PAICS: variants seen among roughly 807,000 people sequenced by gnomAD.
PAICS encodes the protein phosphoribosylaminoimidazole carboxylase and phosphoribosylaminoimidazolesuccinocarboxamide synthase.
Under a neutral mutation model 53.7 loss-of-function variants are expected in PAICS, and 33 were observed. The observed-to-expected ratio is 0.61, with a 90% CI of 0.47 to 0.82. PAICS has a LOEUF of 0.82. Ranked by LOEUF, PAICS falls within the 40% of genes least tolerant of loss-of-function variation. PAICS has a pLI of 0.00. For missense variants in PAICS, 394 were observed against 494.1 expected (o/e 0.80, Z 1.92); for synonymous variants, 141 against 167.2 (o/e 0.84, Z 1.21).
upstream of PAICS, among the ~76,000 whole-genome samples, chr4:56,432,991 C>CAT (rs573689687): frequency 2.0e-5 from 3 of 147,286 alleles, no homozygotes; most frequent in Admixed American, 6.9e-5. Flanking sequence ...CATACACACA[C>CAT]GTATTTTATA....
intron 2 of PAICS, among the ~76,000 whole-genome samples, chr4:56,443,751 G>A (rs1718453169): frequency 6.6e-6 from 1 of 152,138 alleles, no homozygotes; most frequent in African/African-American, 2.4e-5. Flanking sequence ...GTAAATTAGA[G>A]TGACTCAGTT....
chr4:56,432,331 C>T (rs140129596), upstream of PAICS, among the ~76,000 whole-genome samples: 3,859 of 152,118 alleles, frequency 0.025, 153 homozygotes, highest in East Asian at 0.2. Flanking sequence ...AGTTCAAGAC[C>T]AGCCTGGTCA....
chr4:56,412,379 G>A, the PAICS span, among the ~76,000 whole-genome samples: 1 of 151,122 alleles, frequency 6.6e-6, no homozygotes, highest in African/African-American at 2.4e-5. Flanking sequence ...TGTGATCTTG[G>A]CTCATTGCTG....
the PAICS span, among the ~76,000 whole-genome samples, chr4:56,418,127 G>A: frequency 2.6e-3 from 396 of 151,198 alleles, 3 homozygotes; most frequent in African/African-American, 9.2e-3. Context: ...GTGAGCCACC[G>A]CACCTGGCTG....
chr4:56,437,224 G>A (rs1324085716), intron 1 of PAICS, among the ~76,000 whole-genome samples: 1 of 146,514 alleles, frequency 6.8e-6, no homozygotes. Context: ...TGGGGAGGGG[G>A]GCTGTTTTTA....
chr4:56,442,030 T>G lies in PAICS; in HGVS notation c.214+170T>G, dbSNP rs1578148806. ...AACTTCACTATAACACCTTATTTGG[T>G]TTGGGATTATTAGTATCATTGAATT... On this transcript the variant is annotated intron_variant, in intron 2 of 8. Coordinates refer to ENST00000512576, the MANE Select transcript of PAICS (RefSeq NM_001079524.2). 24 of 526,102 alleles carry G rather than the reference T, an allele frequency of 4.6e-5. No homozygotes were observed. In the East Asian group the frequency reaches 7.4e-4, roughly 16 times the overall value. The allele number at this position is 526,102 out of a possible 1,614,324, so 32.6% of individuals were successfully genotyped here.
At chr4:56,441,905 G>A in intron 2 of PAICS, 45 bp downstream of exon 2, 2 of 1,281,546 alleles carry the variant, frequency 1.6e-6, no homozygotes, top group South Asian at 1.5e-5. Context: ...TCTCTGGTAA[G>A]CATGTCGATG....
chr4:56,432,973 C>CAT (rs200791013), upstream of PAICS, among the ~76,000 whole-genome samples: 3,191 of 127,494 alleles, frequency 0.025, 90 homozygotes, highest in African/African-American at 0.09. Context: ...TATATATATA[C>CAT]ATATATACAT....
intron 2 of PAICS, among the ~76,000 whole-genome samples, chr4:56,445,654 A>G (rs1246425326): frequency 1.3e-5 from 2 of 152,162 alleles, no homozygotes; most frequent in Non-Finnish European, 2.9e-5. Context: ...TATATAAGAC[A>G]CTTAGCACAG....
chr4:56,432,997 T>TA (rs1560652377), upstream of PAICS, among the ~76,000 whole-genome samples: 23 of 148,506 alleles, frequency 1.5e-4, no homozygotes, highest in African/African-American at 5.7e-4. Context: ...CACACGTATT[T>TA]TATATATATA....
intron 1 of PAICS, among the ~76,000 whole-genome samples, chr4:56,438,371 TTATATATATATATATATATATA>T (rs61681463): frequency 8.8e-6 from 1 of 113,674 alleles, no homozygotes; most frequent in Admixed American, 8.5e-5. Flanking sequence ...TGCAATGTGT[TTATATATATATATATATATATA>T]TATATATATA....
At chr4:56,432,072 T>G (rs1289573667), upstream of PAICS, among the ~76,000 whole-genome samples, 1 of 152,176 alleles carries the variant, frequency 6.6e-6, no homozygotes, top group African/African-American at 2.4e-5. Context: ...CTTAACTAAT[T>G]GATACTCTAT....
chr4:56,458,252 C>T (rs896579359), intron 8 of PAICS, among the ~76,000 whole-genome samples: 21 of 151,430 alleles, frequency 1.4e-4, no homozygotes, highest in African/African-American at 5.1e-4. Flanking sequence ...GCCCATATTT[C>T]TCATCTCTGA....
At chr4:56,457,918 A>G (rs969768035) in intron 8 of PAICS, among the ~76,000 whole-genome samples, 3 of 152,110 alleles carry the variant, frequency 2.0e-5, no homozygotes, top group South Asian at 4.1e-4. Flanking sequence ...GTTCATGCCT[A>G]TTTCCTTTAC....
chr4:56,446,475 TC>T (rs1718626295), intron 2 of PAICS: 1 of 695,084 alleles, frequency 1.4e-6, no homozygotes, highest in African/African-American at 1.8e-5. Context: ...GGAATTTCGT[TC>T]CTTTTTATGG....
At chr4:56,455,957 C>A (rs570755492) in intron 8 of PAICS, among the ~76,000 whole-genome samples, 4 of 152,040 alleles carry the variant, frequency 2.6e-5, no homozygotes, top group African/African-American at 7.2e-5. Flanking sequence ...AATTTTCATA[C>A]CCCTCCATAT....
rs746939298 is a variant in PAICS at position 56,459,582 on chromosome 4, C to G, written c.*44C>G. 10 of 1,385,948 alleles carry G rather than the reference C, an allele frequency of 7.2e-6. No homozygotes were observed. The South Asian group carries it at 1.3e-4, about 18-fold the overall frequency. 85.9% of individuals were successfully genotyped at this position (1,385,948 alleles called of 1,614,324 possible). A position where few individuals can be genotyped will look rare whatever the true frequency, so the allele number is the denominator to read the frequency against. On this transcript the variant is annotated 3_prime_UTR_variant, in exon 9 of 9. Transcript: ENST00000512576. ...TTTTTAGGGGAAAAACTACAAATTTCTAATTTAGCTGAAGGAAAATCAAGC... is the reference window on the plus strand; with the variant it reads ...TTTTTAGGGGAAAAACTACAAATTTGTAATTTAGCTGAAGGAAAATCAAGC...
At chr4:56,436,364 C>T (rs993716825) in intron 1 of PAICS, 36 bp downstream of exon 1, 2 of 1,475,874 alleles carry the variant, frequency 1.4e-6, no homozygotes, top group African/African-American at 1.4e-5. Context: ...CACGGTCTCC[C>T]TGACCCCCAG....
At chr4:56,450,798 T>C in intron 6 of PAICS, 96 bp downstream of exon 6, 2 of 673,730 alleles carry the variant, frequency 3.0e-6, no homozygotes, top group Non-Finnish European at 5.3e-6. Flanking sequence ...ATAGTGCTTT[T>C]CTTTTCAGTG....
Sources: gnomAD v4.1 joint callset for allele counts (sites outside exome capture counted in the v4.1 genomes callset) on GRCh38, gnomAD v4.1.1 for gene constraint, MANE v1.5 for transcripts, NCBI Gene and HGNC (gene_info 2026-07-23, HGNC 2026-07-21) for gene names.